TGFBRAP1: variants seen among roughly 807,000 people sequenced by gnomAD.
TGFBRAP1 encodes transforming growth factor beta receptor associated protein 1, also known as transforming growth factor-beta receptor-associated protein 1.
A neutral mutation model predicts 83.2 loss-of-function variants in TGFBRAP1; 20 were observed. That is an observed-to-expected ratio of 0.24 (90% CI 0.17 to 0.35). TGFBRAP1 has a LOEUF of 0.35. Ranked by LOEUF, TGFBRAP1 falls within the 10% of genes least tolerant of loss-of-function variation. The probability of loss-of-function intolerance (pLI) is 1.00; values close to 1 mark genes in which losing one functional copy is unlikely to be tolerated. For synonymous variants in TGFBRAP1, 415 were observed against 459.8 expected (o/e 0.90, Z 1.25); for missense variants, 950 against 1,099.4 (o/e 0.86, Z 1.92).
Position 105,305,978 on chromosome 2 carries a change from G to A in TGFBRAP1, c.688+1636C>T, listed in dbSNP as rs911641286. On this transcript the variant is annotated intron_variant, in intron 2 of 11. Coordinates refer to ENST00000393359, the MANE Select transcript of TGFBRAP1 (RefSeq NM_004257.6). ...CCTCAACAACTTTTTAGAATGAGGA[G>A]CAAAAACAATCAAATGACAACCCAC... 4.6e-5 allele frequency among the ~76,000 whole-genome samples: 7 copies of A among 151,262 alleles called. No homozygotes were observed. The East Asian group carries it at 1.4e-3, about 30-fold the overall frequency.
In TGFBRAP1 at chr2:105,272,837, T is replaced by C; in HGVS notation, c.1972+18A>G. 1 of 1,605,690 alleles carries C rather than the reference T, an allele frequency of 6.2e-7. No individual in the cohort carries two copies. The highest frequency in any genetic ancestry group is 8.5e-7 in the Non-Finnish European group (1 of 1,179,266). On this transcript the variant is annotated intron_variant, in intron 10 of 11. Coordinates refer to ENST00000393359, the MANE Select transcript of TGFBRAP1 (RefSeq NM_004257.6). The stretch of plus-strand genomic sequence containing the variant: ...ATGAGTTTTTTCCAAAGGGAGACAA[T>C]ACTGAGATCATCCTCACCGAGAAGA...
rs542407975 is a variant in TGFBRAP1 at position 105,287,181 on chromosome 2, C to T, written c.1039-2783G>A. 1.6e-3 allele frequency among the ~76,000 whole-genome samples: 235 copies of T among 151,550 alleles called. 1 individual carries two copies. The highest frequency in any genetic ancestry group is 5.5e-3 in the African/African-American group (227 of 41,254). ...GAGACAGAAAGCAGAATGGGGGCTG[C>T]CAAGGGCTGGTGGGGGTGTAGGGTG... is the stretch of plus-strand genomic sequence containing the variant. On this transcript the variant is annotated intron_variant, in intron 4 of 11. Coordinates refer to ENST00000393359, the MANE Select transcript of TGFBRAP1 (RefSeq NM_004257.6).
intron 1 of TGFBRAP1, among the ~76,000 whole-genome samples, chr2:105,318,824 G>A (rs1037040388): frequency 9.8e-5 from 15 of 152,296 alleles, no homozygotes; most frequent in Admixed American, 4.6e-4. Context: ...CCCCATGGGC[G>A]TGTATACCGT....
At position 105,296,262 on chromosome 2, in the gene TGFBRAP1, G is replaced by A. The variant is rs540051822; in HGVS notation, c.1038+94C>T. The stretch of plus-strand genomic sequence containing the variant: ...GATATAAAAGCAGTGTGTACAGCCC[G>A]GTACACAGGAAGGGCCGATGCATGT... On this transcript the variant is annotated intron_variant, in intron 4 of 11. Coordinates refer to ENST00000393359, the MANE Select transcript of TGFBRAP1 (RefSeq NM_004257.6). 3.1e-4 allele frequency: 450 copies of A among 1,447,354 alleles called. No individual in the cohort carries two copies. In the Middle Eastern group the frequency reaches 4.4e-3, roughly 14 times the overall value. 89.7% of individuals were successfully genotyped at this position (1,447,354 alleles called of 1,614,324 possible).
Position 105,269,585 on chromosome 2 carries a change from T to C in TGFBRAP1, c.2093A>G (p.Asp698Gly), listed in dbSNP as rs923656393. The change falls in exon 11 of 12, where the codon GAC (aspartate) becomes GGC (glycine). Residue 698 changes from aspartate to glycine, a missense_variant. Transcript: ENST00000393359. The surrounding 1 kb of genome is among the most constrained non-coding windows in gnomAD (Gnocchi z 4.1). ...GCCCTCGGAGCACCACAGGCAGTAG[T>C]CCTCGGCCGCTGCAAAGTCCTGCAG... ...HELQDFAAAE[D>G]YCLWCSEGRD... 5.6e-6 allele frequency: 9 copies of C among 1,610,410 alleles called. No homozygotes were observed. The highest frequency in any genetic ancestry group is 6.8e-6 in the Non-Finnish European group (8 of 1,178,088).
intron 10 of TGFBRAP1, among the ~76,000 whole-genome samples, chr2:105,272,471 C>A (rs1424048078): frequency 1.3e-5 from 2 of 152,144 alleles, no homozygotes; most frequent in African/African-American, 4.8e-5. Context: ...TCTACCAGGG[C>A]AGCACCAACA....
chr2:105,321,630 C>CT (rs1475670036), intron 1 of TGFBRAP1, among the ~76,000 whole-genome samples: 1 of 152,176 alleles, frequency 6.6e-6, no homozygotes, highest in African/African-American at 2.4e-5. Context: ...CAGGGGAAAA[C>CT]TGAACACAGT....
chr2:105,273,485 T>A, intron 9 of TGFBRAP1, 59 bp downstream of exon 9: 1 of 1,595,250 alleles, frequency 6.3e-7, no homozygotes, highest in Non-Finnish European at 8.5e-7. Flanking sequence ...CAAAAAGTGT[T>A]CTAGTTCAAT....
At chr2:105,289,295 G>A (rs939197291) in intron 4 of TGFBRAP1, among the ~76,000 whole-genome samples, 2 of 152,072 alleles carry the variant, frequency 1.3e-5, no homozygotes, top group African/African-American at 4.8e-5. Flanking sequence ...TGCTAAGGAA[G>A]AAAAAGGGAC....
chr2:105,260,505 A>G (rs1236002305), downstream of TGFBRAP1, among the ~76,000 whole-genome samples: 1 of 152,208 alleles, frequency 6.6e-6, no homozygotes, highest in Non-Finnish European at 1.5e-5. Context: ...AAGGACACAC[A>G]CTGTGTGATT....
chr2:105,323,919 T>C (rs145875400), intron 1 of TGFBRAP1, among the ~76,000 whole-genome samples: 1 of 152,082 alleles, frequency 6.6e-6, no homozygotes, highest in Non-Finnish European at 1.5e-5. Context: ...GAATCCCCCA[T>C]GGGAATTGGA....
At chr2:105,316,837 G>A (rs1466078446) in intron 1 of TGFBRAP1, among the ~76,000 whole-genome samples, 1 of 151,740 alleles carries the variant, frequency 6.6e-6, no homozygotes, top group African/African-American at 2.4e-5. Flanking sequence ...AATTCACATG[G>A]CAGAAAGGGC....
chr2:105,318,044 G>A (rs530554709), intron 1 of TGFBRAP1, among the ~76,000 whole-genome samples: 1 of 152,172 alleles, frequency 6.6e-6, no homozygotes, highest in Admixed American at 6.5e-5. Context: ...TTCGGAGCTG[G>A]TAAGGACAGG....
rs1031064642 is a variant in TGFBRAP1, at chr2:105,267,374, C to A, written c.*9G>T. On this transcript the variant is annotated 3_prime_UTR_variant, in exon 12 of 12. Transcript: ENST00000393359. ...TCGGAGTTCCCCTCGCACCCTTGGG[C>A]CAAGCTTTTCAAGTCCGAGTGCCAG... is the stretch of plus-strand genomic sequence containing the variant. 6.2e-7 allele frequency: 1 copy of A among 1,614,044 alleles called. No individual in the cohort carries two copies. Among genetic ancestry groups the A allele is most frequent in the East Asian group, 2.2e-5 (1 of 44,866 alleles).
chr2:105,255,774 T>C, the TGFBRAP1 span, among the ~76,000 whole-genome samples: 1 of 152,104 alleles, frequency 6.6e-6, no homozygotes, highest in Non-Finnish European at 1.5e-5. Flanking sequence ...CAAAGCCCAC[T>C]GAAATCAAAC....
chr2:105,320,291 A>G (rs1389145964), intron 1 of TGFBRAP1, among the ~76,000 whole-genome samples: 1 of 152,236 alleles, frequency 6.6e-6, no homozygotes, highest in Non-Finnish European at 1.5e-5. Flanking sequence ...CCTATAATAG[A>G]AGGCACTGTC....
intron 1 of TGFBRAP1, among the ~76,000 whole-genome samples, chr2:105,316,722 G>A (rs1424939252): frequency 1.3e-5 from 2 of 151,854 alleles, no homozygotes; most frequent in Non-Finnish European, 2.9e-5. Flanking sequence ...GCTGATGCAG[G>A]AGAATCGTTT....
chr2:105,288,500 C>T (rs534748342), intron 4 of TGFBRAP1, among the ~76,000 whole-genome samples: 37 of 152,246 alleles, frequency 2.4e-4, no homozygotes, highest in African/African-American at 8.7e-4. Flanking sequence ...TACCAAAGCG[C>T]AGAGGACAGT....
At chr2:105,252,751 C>CTTTTTT in the TGFBRAP1 span, among the ~76,000 whole-genome samples, 1 of 113,334 alleles carries the variant, frequency 8.8e-6, no homozygotes, top group Non-Finnish European at 1.7e-5. Context: ...ATATTAACAT[C>CTTTTTT]TTTTTTTTTT....
Sources: gnomAD v4.1 joint callset for allele counts (sites outside exome capture counted in the v4.1 genomes callset) on GRCh38, gnomAD v4.1.1 for gene constraint, Gnocchi (gnomAD v3.1) non-coding constraint, MANE v1.5 for transcripts, NCBI Gene and HGNC (gene_info 2026-07-23, HGNC 2026-07-21) for gene names.